Variants in PCDHGA3 observed in about 807,000 individuals in gnomAD.
PCDHGA3 encodes the protein protocadherin gamma-A3.
Under a neutral mutation model 58.5 loss-of-function variants are expected in PCDHGA3, and 40 were observed. The ratio of observed to expected loss-of-function variants is 0.68; its 90% CI spans 0.53 to 0.89. The LOEUF (loss-of-function observed/expected upper bound fraction) is 0.89. PCDHGA3 is among the 40% of genes least tolerant of loss of function. The pLI, the probability that PCDHGA3 is intolerant of heterozygous loss-of-function variation, is 0.00. For synonymous variants in PCDHGA3, 530 were observed against 525.7 expected, an observed-to-expected ratio of 1.01 and a Z score of -0.11; for missense variants, 1,223 against 1,195.9, an observed-to-expected ratio of 1.02 and a Z score of -0.33.
At chr5:141,505,780 G>A (rs1595982811) in intron 3 of PCDHGA3, among the ~76,000 whole-genome samples, 1 of 139,456 alleles carries the variant, frequency 7.2e-6, no homozygotes, top group Non-Finnish European at 1.6e-5. Flanking sequence ...TCCTAGCTCT[G>A]CTACTATCCT....
rs1253890351 is a variant in PCDHGA3, at chr5:141,372,427, G to T, written c.2424+25970G>T. The T allele has an allele frequency of 3.1e-6, 5 of 1,613,872 alleles. No homozygotes were observed. Among genetic ancestry groups the T allele is most frequent in the East Asian group, 2.2e-5 (1 of 44,888 alleles). On this transcript the variant is annotated intron_variant, in intron 1 of 3. Coordinates refer to ENST00000253812, the MANE Select transcript of PCDHGA3 (RefSeq NM_018916.4). ...GAGATACAACCTGACCTTAGCGACC[G>T]CCCCACTCCCTCTGACCCTCAGGCG...
In PCDHGA3 at chr5:141,488,435, C is replaced by T. The variant is rs111661764; in HGVS notation, c.2425-6372C>T. Among the ~76,000 whole-genome samples, 87 of 152,276 alleles carry T rather than the reference C, an allele frequency of 5.7e-4. 1 individual carries two copies. The highest frequency in any genetic ancestry group is 1.6e-3 in the African/African-American group (67 of 41,546). On this transcript the variant is annotated intron_variant, in intron 1 of 3. Transcript: ENST00000253812. ...AAGCCATCCATGCTTGGCCTCTGAC[C>T]ACCCTCCTGGGTGACCTGATTCAGC...
chr5:141,374,230 C>T lies in PCDHGA3; in HGVS notation c.2424+27773C>T. On this transcript the variant is annotated intron_variant, in intron 1 of 3. Coordinates refer to ENST00000253812, the MANE Select transcript of PCDHGA3 (RefSeq NM_018916.4). ...AAGGCTCCTTCGTAGGCAACATCGTCAAGGATCTGGGACTGGAGCCCCAGG... is the reference window on the plus strand; with the variant it reads ...AAGGCTCCTTCGTAGGCAACATCGTTAAGGATCTGGGACTGGAGCCCCAGG... 2 of 1,613,996 alleles carry T rather than the reference C, an allele frequency of 1.2e-6. 1 individual carries two copies. Among genetic ancestry groups the T allele is most frequent in the East Asian group, 4.5e-5 (2 of 44,882 alleles).
In PCDHGA3 at chr5:141,431,538, AGCTGCTTGTAGTCAAC is replaced by A; in HGVS notation, c.2425-63265_2425-63250del. 2 of 1,614,114 alleles carry A rather than the reference AGCTGCTTGTAGTCAAC, an allele frequency of 1.2e-6. No homozygotes were observed. Among genetic ancestry groups the A allele is most frequent in the Non-Finnish European group, 1.7e-6 (2 of 1,180,024 alleles). ...CCGGAGAATCTGGCCTTGGGCACGC[AGCTGCTTGTAGTCAAC>A]GCTACCGACCCTGACGAAGGAGTCA... On this transcript the variant is annotated intron_variant, in intron 1 of 3. Coordinates refer to ENST00000253812, the MANE Select transcript of PCDHGA3 (RefSeq NM_018916.4). This position sits in a 1 kb window ranked among gnomAD's most constrained non-coding sequence, Gnocchi z 4.8.
chr5:141,449,943 C>G (rs1561937416), intron 1 of PCDHGA3, among the ~76,000 whole-genome samples: 1 of 151,186 alleles, frequency 6.6e-6, no homozygotes, highest in African/African-American at 2.4e-5. Flanking sequence ...GTATATTTTA[C>G]TATACCTCAT....
At position 141,355,073 on chromosome 5, in the gene PCDHGA3, G is replaced by A. The variant is rs564190348; in HGVS notation, c.2424+8616G>A. 7.9e-5 allele frequency: 109 copies of A among 1,374,920 alleles called. No individual in the cohort carries two copies. The African/African-American group carries it at 9.3e-4, about 12-fold the overall frequency. The allele number at this position is 1,374,920 out of a possible 1,614,324, so 85.2% of individuals were successfully genotyped here. A position where few individuals can be genotyped will look rare whatever the true frequency, so the allele number is the denominator to read the frequency against. On this transcript the variant is annotated intron_variant, in intron 1 of 3. Coordinates refer to ENST00000253812, the MANE Select transcript of PCDHGA3 (RefSeq NM_018916.4). ...GCACTGGCTCTGGAGCTTTATGAAA[G>A]CTTCAAGCGGAAGCCCTGAGAGCTC...
chr5:141,427,693 C>A, intron 1 of PCDHGA3: 2 of 909,726 alleles, frequency 2.2e-6, no homozygotes, highest in East Asian at 2.5e-5. Context: ...GCCTCCATCC[C>A]ACAAGTCAGC....
Position 141,346,027 on chromosome 5 carries a change from C to G in PCDHGA3, c.1994C>G (p.Ala665Gly). 2 of 1,613,468 alleles carry G rather than the reference C, an allele frequency of 1.2e-6. No individual in the cohort carries two copies. The highest frequency in any genetic ancestry group is 1.7e-6 in the Non-Finnish European group (2 of 1,179,840). The change falls in exon 1 of 4, where the codon GCC (alanine) becomes GGC (glycine). Residue 665 changes from alanine (A) to glycine (G), a missense_variant. Ala to Gly is a moderately conservative substitution (Grantham distance 60). Around this residue, in one of 3 missense-constraint regions of PCDHGA3, gnomAD observed 107 missense variants for 159.8 expected, o/e 0.67. Coordinates refer to ENST00000253812, the MANE Select transcript of PCDHGA3 (RefSeq NM_018916.4). ...SATVTLTVAVADRIPDILADL... is the reference protein window; with the variant it reads ...SATVTLTVAVGDRIPDILADL... ...ACTGTCACGCTCACCGTGGCCGTGG[C>G]CGACAGGATCCCCGACATCCTGGCC...
At position 141,487,488 on chromosome 5, in the gene PCDHGA3, G is replaced by A; in HGVS notation, c.2425-7319G>A. ...GATGTGGGAGGCCACTCTCATGGCT[G>A]TACACCCTTGGCTTCTGCACCCACT... On this transcript the variant is annotated intron_variant, in intron 1 of 3. Transcript: ENST00000253812. This position sits in a 1 kb window ranked among gnomAD's most constrained non-coding sequence, Gnocchi z 5.0. The A allele has an allele frequency of 6.2e-7, 1 of 1,614,204 alleles. No homozygotes were observed. The highest frequency in any genetic ancestry group is 8.5e-7 in the Non-Finnish European group (1 of 1,180,038).
chr5:141,507,851 C>T (rs570052933), intron 3 of PCDHGA3, among the ~76,000 whole-genome samples: 48 of 152,322 alleles, frequency 3.2e-4, no homozygotes, highest in African/African-American at 1.1e-3. Context: ...CCTGCTCTCA[C>T]TTTCACACCC....
intron 1 of PCDHGA3, among the ~76,000 whole-genome samples, chr5:141,488,554 T>C (rs1313975033): frequency 6.6e-6 from 1 of 152,064 alleles, no homozygotes; most frequent in African/African-American, 2.4e-5. Context: ...CAGCTGACAT[T>C]GAGATTTCCG....
intron 1 of PCDHGA3, chr5:141,413,478 T>C (rs755324008): frequency 6.2e-7 from 1 of 1,614,074 alleles, no homozygotes; most frequent in East Asian, 2.2e-5. Flanking sequence ...AGCTCTGCGC[T>C]CAGAGCGCGC....
At chr5:141,484,404 G>C (rs1333849091) in intron 1 of PCDHGA3, among the ~76,000 whole-genome samples, 3 of 152,174 alleles carry the variant, frequency 2.0e-5, no homozygotes, top group Non-Finnish European at 4.4e-5. Flanking sequence ...GGTTTCCGCT[G>C]TGTCTCCTGT....
chr5:141,460,377 T>C (rs1592666836), intron 1 of PCDHGA3, among the ~76,000 whole-genome samples: 1 of 152,342 alleles, frequency 6.6e-6, no homozygotes, highest in Non-Finnish European at 1.5e-5. Flanking sequence ...AGTTTTACCA[T>C]TTATAATTTG....
At chr5:141,415,066 C>A in intron 1 of PCDHGA3, 1 of 1,613,410 alleles carries the variant, frequency 6.2e-7, no homozygotes, top group Non-Finnish European at 8.5e-7. Flanking sequence ...GGGCGAGGTG[C>A]GCACGGCGCG....
chr5:141,368,191 A>G (rs1765525656), intron 1 of PCDHGA3, among the ~76,000 whole-genome samples: 1 of 152,206 alleles, frequency 6.6e-6, no homozygotes, highest in Admixed American at 6.5e-5. Flanking sequence ...AAATAAGGGG[A>G]AAAGGTAATA....
intron 1 of PCDHGA3, among the ~76,000 whole-genome samples, chr5:141,460,653 G>A (rs10058370): frequency 0.17 from 25,559 of 151,914 alleles, 2,196 homozygotes; most frequent in South Asian, 0.22. Flanking sequence ...TTACACATAT[G>A]TAACTGTAAA....
intron 1 of PCDHGA3, among the ~76,000 whole-genome samples, chr5:141,396,932 T>C (rs2093455423): frequency 6.6e-6 from 1 of 152,230 alleles, no homozygotes; most frequent in Non-Finnish European, 1.5e-5. Flanking sequence ...CGGATGAAAG[T>C]TGCCCTGGTA....
At position 141,490,346 on chromosome 5, in the gene PCDHGA3, T is replaced by G. The variant is rs1396321935; in HGVS notation, c.2425-4461T>G. 1.2e-6 allele frequency: 2 copies of G among 1,614,046 alleles called. No individual in the cohort carries two copies. Among genetic ancestry groups the G allele is most frequent in the African/African-American group, 2.7e-5 (2 of 74,900 alleles). ...GAGAGCACACCAGTGGGCACAGTAG[T>G]GGGGTTGTTTAATGTGCGAGACCGG... On this transcript the variant is annotated intron_variant, in intron 1 of 3. Coordinates refer to ENST00000253812, the MANE Select transcript of PCDHGA3 (RefSeq NM_018916.4). This position sits in a 1 kb window ranked among gnomAD's most constrained non-coding sequence, Gnocchi z 5.4.
Sources: allele counts gnomAD v4.1 joint callset (sites outside exome capture counted in the v4.1 genomes callset), GRCh38; gene constraint gnomAD v4.1.1; regional missense constraint gnomAD v4.1.1; non-coding constraint Gnocchi (gnomAD v3.1); transcripts MANE v1.5; gene names NCBI Gene and HGNC (gene_info 2026-07-23, HGNC 2026-07-21).